AKR1C1: variants seen among roughly 807,000 people sequenced by gnomAD.
AKR1C1 encodes aldo-keto reductase family 1 member C1.
Under a neutral mutation model 40.6 loss-of-function variants are expected in AKR1C1, and 32 were observed. That is an observed-to-expected ratio of 0.79 (90% CI 0.60 to 1.06). AKR1C1 has a LOEUF of 1.06. Ranked by LOEUF, AKR1C1 falls within the 50% of genes least tolerant of loss-of-function variation. AKR1C1 has a pLI of 0.00. For missense variants in AKR1C1, 320 were observed against 363.5 expected (o/e 0.88, Z 0.97); for synonymous variants, 105 against 134.2 (o/e 0.78, Z 1.50).
intron 1 of AKR1C1, 104 bp from the exon 2 acceptor site, chr10:4,965,810 C>T: frequency 7.3e-7 from 1 of 1,367,172 alleles, no homozygotes; most frequent in East Asian, 2.4e-5. Context: ...CAGAACTCAT[C>T]CAAGAAAGGA....
chr10:4,970,131 A>T (rs1338086885), intron 5 of AKR1C1, among the ~76,000 whole-genome samples: 1 of 152,108 alleles, frequency 6.6e-6, no homozygotes, highest in Non-Finnish European at 1.5e-5. Context: ...CTTCAAGGTA[A>T]ATTGTAAAGA....
At chr10:4,970,187 A>T (rs1836400615) in intron 5 of AKR1C1, among the ~76,000 whole-genome samples, 1 of 152,226 alleles carries the variant, frequency 6.6e-6, no homozygotes, top group African/African-American at 2.4e-5. Context: ...CACAGGAATG[A>T]AGATATTCTC....
chr10:4,968,995 G>T (rs191958914), intron 5 of AKR1C1, 51 bp downstream of exon 5: 1 of 1,613,140 alleles, frequency 6.2e-7, no homozygotes, highest in African/African-American at 1.3e-5. Context: ...CCCTCTTTCT[G>T]TCCTATTGCC....
Position 4,965,986 on chromosome 10 carries a change from C to G in AKR1C1, c.157C>G (p.His53Asp). Residue 53 changes from histidine to aspartate, a missense_variant, in exon 2 of 9, where the codon CAT (histidine) becomes GAT (aspartate). Transcript: ENST00000380872. ...TGGCTTCCGCCATATTGATTCTGCT[C>G]ATTTATACAATAATGAGGAGCAGGT... ...EAGFRHIDSA[H>D]LYNNEEQVGL... The G allele has an allele frequency of 6.2e-7, 1 of 1,614,212 alleles. No individual in the cohort carries two copies. The highest frequency in any genetic ancestry group is 1.1e-5 in the South Asian group (1 of 91,080).
intron 8 of AKR1C1, among the ~76,000 whole-genome samples, chr10:4,976,785 T>G (rs1554770498): frequency 6.6e-6 from 1 of 152,092 alleles, no homozygotes; most frequent in East Asian, 1.9e-4. Flanking sequence ...GATGAGATAA[T>G]GTGTGAAAAA....
At chr10:4,966,352 A>C (rs1836333928) in intron 2 of AKR1C1, among the ~76,000 whole-genome samples, 3 of 152,226 alleles carry the variant, frequency 2.0e-5, no homozygotes, top group Non-Finnish European at 4.4e-5. Context: ...TAGAATCAGA[A>C]AAAATCCTAA....
At chr10:4,968,765 A>T in intron 4 of AKR1C1, 57 bp from the exon 5 acceptor site, 4 of 1,613,198 alleles carry the variant, frequency 2.5e-6, no homozygotes, top group South Asian at 1.1e-5. Context: ...TGTTACTTTC[A>T]CAGTTCTGTG....
intron 5 of AKR1C1, chr10:4,969,583 C>G: frequency 6.9e-7 from 1 of 1,442,964 alleles, no homozygotes; most frequent in African/African-American, 1.4e-5. Flanking sequence ...TGACCTATGA[C>G]TGCCCCCGCT....
chr10:4,971,754 TA>T (rs1836432332), intron 5 of AKR1C1, among the ~76,000 whole-genome samples: 1 of 151,712 alleles, frequency 6.6e-6, no homozygotes, highest in Non-Finnish European at 1.5e-5. Context: ...ATATATGATA[TA>T]TATATTATAT....
chr10:4,968,187 C>T (rs891531395), intron 3 of AKR1C1, 122 bp from the exon 4 acceptor site: 1 of 1,283,890 alleles, frequency 7.8e-7, no homozygotes, highest in African/African-American at 1.4e-5. Context: ...GTACATACCA[C>T]TCTCTGGAGC....
chr10:4,978,630 T>C lies in AKR1C1; in HGVS notation c.*888T>C, dbSNP rs1836566097. On this transcript the variant is annotated 3_prime_UTR_variant, in exon 9 of 9. Coordinates refer to ENST00000380872, the MANE Select transcript of AKR1C1 (RefSeq NM_001353.6). ...ATATTCTTAGATTCTAAAAATGTAC[T>C]ATTAATTTGTGATATTCAGTCTTTT... The C allele has an allele frequency of 6.6e-6, 1 of 152,202 alleles. No homozygotes were observed. The highest frequency in any genetic ancestry group is 6.5e-5 in the Admixed American group (1 of 15,280). 9.4% of individuals were successfully genotyped at this position (152,202 alleles called of 1,614,324 possible).
rs1238671950 is a variant in AKR1C1 at position 4,979,971 on chromosome 10, T to C, written c.*2229T>C. On this transcript the variant is annotated 3_prime_UTR_variant, in exon 9 of 9. Transcript: ENST00000380872. The stretch of plus-strand genomic sequence containing the variant: ...ATAAAAACATGTATTTTTGAAATTT[T>C]GGATTCTACTCATTATTTTACTTCA... The C allele has an allele frequency of 6.6e-6, 1 of 150,658 alleles. No homozygotes were observed. The highest frequency in any genetic ancestry group is 2.4e-5 in the African/African-American group (1 of 41,070). The allele number at this position is 150,658 out of a possible 1,614,324, so 9.3% of individuals were successfully genotyped here.
At chr10:4,967,955 A>T (rs1007189992) in intron 3 of AKR1C1, 1 of 180,090 alleles carries the variant, frequency 5.6e-6, no homozygotes, top group Non-Finnish European at 1.2e-5. Flanking sequence ...CCTGGGTAAA[A>T]AGTACAATCC....
rs1554771150 is a variant in AKR1C1 at position 4,982,049 on chromosome 10, C to G, written c.*4307C>G. 1 of 152,246 alleles carries G rather than the reference C, an allele frequency of 6.6e-6. No homozygotes were observed. Among genetic ancestry groups the G allele is most frequent in the East Asian group, 1.9e-4 (1 of 5,188 alleles). 9.4% of individuals were successfully genotyped at this position (152,246 alleles called of 1,614,324 possible). On this transcript the variant is annotated 3_prime_UTR_variant, in exon 9 of 9. Coordinates refer to ENST00000380872, the MANE Select transcript of AKR1C1 (RefSeq NM_001353.6). ...CTCACTGTGGGGGGCGCACGGCAAGCTATTCAACATTACGTACAGGCATTT... is the reference window on the plus strand; with the variant it reads ...CTCACTGTGGGGGGCGCACGGCAAGGTATTCAACATTACGTACAGGCATTT...
chr10:4,980,788 A>G lies in AKR1C1; in HGVS notation c.*3046A>G, dbSNP rs1203979902. The G allele has an allele frequency of 6.6e-6, 1 of 152,028 alleles. No individual in the cohort carries two copies. Among genetic ancestry groups the G allele is most frequent in the Non-Finnish European group, 1.5e-5 (1 of 68,012 alleles). 9.4% of individuals were successfully genotyped at this position (152,028 alleles called of 1,614,324 possible). A position where few individuals can be genotyped will look rare whatever the true frequency, so the allele number is the denominator to read the frequency against. On this transcript the variant is annotated 3_prime_UTR_variant, in exon 9 of 9. Transcript: ENST00000380872. ...CAGGAGGGTTGAATTCACTTCTTTCAAACTCCTGTTCAAGTAAATGTTTTG... is the reference window on the plus strand; with the variant it reads ...CAGGAGGGTTGAATTCACTTCTTTCGAACTCCTGTTCAAGTAAATGTTTTG...
intron 1 of AKR1C1, among the ~76,000 whole-genome samples, chr10:4,964,068 A>C (rs1302875528): frequency 1.3e-5 from 2 of 152,226 alleles, no homozygotes; most frequent in African/African-American, 2.4e-5. Flanking sequence ...AAGAAAAAAA[A>C]AATACTAGAA....
chr10:4,980,692 A>T lies in AKR1C1; in HGVS notation c.*2950A>T, dbSNP rs1836601903. The stretch of plus-strand genomic sequence containing the variant: ...ACTTGCAAGCTCCAATTTGAATTCT[A>T]GTTGTCTTGCTATTTCCACCACATC... On this transcript the variant is annotated 3_prime_UTR_variant, in exon 9 of 9. Transcript: ENST00000380872. The T allele has an allele frequency of 6.6e-6, 1 of 151,380 alleles. No homozygotes were observed. The highest frequency in any genetic ancestry group is 1.5e-5 in the Non-Finnish European group (1 of 67,814). The allele number at this position is 151,380 out of a possible 1,614,324, so 9.4% of individuals were successfully genotyped here.
At chr10:4,973,507 C>T (rs1259775096) in intron 7 of AKR1C1, among the ~76,000 whole-genome samples, 2 of 152,172 alleles carry the variant, frequency 1.3e-5, no homozygotes, top group Non-Finnish European at 2.9e-5. Flanking sequence ...CAGGGCATGA[C>T]CCCAAGGCAG....
rs1836551397 is a variant in AKR1C1, at chr10:4,977,829, A to G, written c.*87A>G. The G allele has an allele frequency of 2.1e-6, 3 of 1,462,664 alleles. No homozygotes were observed. The highest frequency in any genetic ancestry group is 2.3e-5 in the East Asian group (1 of 42,826). 90.6% of individuals were successfully genotyped at this position (1,462,664 alleles called of 1,614,324 possible). A position where few individuals can be genotyped will look rare whatever the true frequency, so the allele number is the denominator to read the frequency against. On this transcript the variant is annotated 3_prime_UTR_variant, in exon 9 of 9. Transcript: ENST00000380872. ...TGGCTCTATGCTGGTGACTGGACAC[A>G]TCGCCTCTGGTTAAATCTCTCCTGC... is the stretch of plus-strand genomic sequence containing the variant.
Sources: gnomAD v4.1 joint callset for allele counts (sites outside exome capture counted in the v4.1 genomes callset) on GRCh38, gnomAD v4.1.1 for gene constraint, MANE v1.5 for transcripts, NCBI Gene and HGNC (gene_info 2026-07-23, HGNC 2026-07-21) for gene names.